Variants in WDR70 observed in about 807,000 individuals in gnomAD.
WDR70 encodes WD repeat-containing protein 70.
WDR70 carries 53 observed loss-of-function variants against 88.6 expected under a neutral mutation model. That is an observed-to-expected ratio of 0.60 (90% confidence interval 0.48 to 0.75). The LOEUF is 0.75. WDR70 is among the 30% of genes least tolerant of loss of function. The pLI, the probability that WDR70 is intolerant of heterozygous loss-of-function variation, is 0.00. For synonymous variants in WDR70, 280 were observed against 270.0 expected (o/e 1.04, Z -0.36); for missense variants, 610 against 823.2 (o/e 0.74, Z 3.17).
chr5:37,462,305 A>T (rs7726448), intron 7 of WDR70, among the ~76,000 whole-genome samples: 2,042 of 151,994 alleles, frequency 0.013, 46 homozygotes, highest in African/African-American at 0.047. Context: ...TTAATTAATT[A>T]ATTAATTAAT....
intron 10 of WDR70, among the ~76,000 whole-genome samples, chr5:37,647,403 T>G (rs911514327): frequency 6.6e-6 from 1 of 152,226 alleles, no homozygotes; most frequent in Admixed American, 6.5e-5. Flanking sequence ...AGGCAATGTT[T>G]TCCTGGGTGG....
chr5:37,399,492 T>G (rs928990312), intron 5 of WDR70, among the ~76,000 whole-genome samples: 4 of 152,180 alleles, frequency 2.6e-5, no homozygotes, highest in African/African-American at 9.7e-5. Flanking sequence ...ACTTCTAAAT[T>G]TTTTTCTCTA....
intron 10 of WDR70, among the ~76,000 whole-genome samples, chr5:37,682,175 G>C (rs1317665978): frequency 1.3e-5 from 2 of 152,124 alleles, no homozygotes; most frequent in Non-Finnish European, 2.9e-5. Context: ...ATGTGTCCAG[G>C]AATTTATCCA....
chr5:37,500,397 A>G (rs1259666807), intron 8 of WDR70, among the ~76,000 whole-genome samples: 1 of 152,248 alleles, frequency 6.6e-6, no homozygotes, highest in Non-Finnish European at 1.5e-5. Context: ...TGCAATAAAC[A>G]TAAGTGTGCA....
chr5:37,467,698 G>C (rs1334370363), intron 7 of WDR70, among the ~76,000 whole-genome samples: 2 of 151,576 alleles, frequency 1.3e-5, no homozygotes, highest in Non-Finnish European at 3.0e-5. Flanking sequence ...ACTGCGCCCG[G>C]CTAATTTTTT....
At chr5:37,614,975 T>G (rs1191052315) in intron 10 of WDR70, among the ~76,000 whole-genome samples, 2 of 151,932 alleles carry the variant, frequency 1.3e-5, no homozygotes, top group East Asian at 3.9e-4. Context: ...TAGAGACTAG[T>G]ACAACCAAGA....
At chr5:37,556,724 G>A (rs1178535933) in intron 9 of WDR70, among the ~76,000 whole-genome samples, 2 of 152,214 alleles carry the variant, frequency 1.3e-5, no homozygotes, top group Non-Finnish European at 2.9e-5. Flanking sequence ...ATAGGGAAGG[G>A]TGGGCTGGTC....
intron 17 of WDR70, among the ~76,000 whole-genome samples, chr5:37,748,447 T>A (rs988528955): frequency 6.6e-6 from 1 of 152,180 alleles, no homozygotes; most frequent in African/African-American, 2.4e-5. Context: ...CCTTATACCT[T>A]ATACAAGAAT....
chr5:37,457,046 G>A (rs1738860226), intron 7 of WDR70, among the ~76,000 whole-genome samples: 1 of 152,134 alleles, frequency 6.6e-6, no homozygotes, highest in Non-Finnish European at 1.5e-5. Flanking sequence ...ATGTGAGAAG[G>A]CTAAGGTGGG....
chr5:37,605,037 A>C (rs1317651387), intron 9 of WDR70, 27 bp from the exon 10 acceptor site: 1 of 1,536,650 alleles, frequency 6.5e-7, no homozygotes, highest in Admixed American at 2.1e-5. Flanking sequence ...TTTTTAAATA[A>C]ATGAAAAATC....
chr5:37,516,831 C>T (rs557032644), intron 9 of WDR70, among the ~76,000 whole-genome samples: 8 of 151,214 alleles, frequency 5.3e-5, no homozygotes, highest in African/African-American at 9.7e-5. Flanking sequence ...AAGTGATTCT[C>T]CTGCCTCAGC....
chr5:37,496,581 C>G (rs1740222083), intron 8 of WDR70, among the ~76,000 whole-genome samples: 1 of 152,216 alleles, frequency 6.6e-6, no homozygotes, highest in Non-Finnish European at 1.5e-5. Flanking sequence ...CTAATGTCTT[C>G]TGCAATAGGG....
intron 10 of WDR70, among the ~76,000 whole-genome samples, chr5:37,616,582 A>G (rs1255217169): frequency 6.6e-6 from 1 of 152,172 alleles, no homozygotes; most frequent in African/African-American, 2.4e-5. Flanking sequence ...CATCCGTTGA[A>G]GAAGGCCCAA....
chr5:37,688,340 TG>T (rs1746674655), intron 10 of WDR70, among the ~76,000 whole-genome samples: 1 of 152,222 alleles, frequency 6.6e-6, no homozygotes, highest in African/African-American at 2.4e-5. Context: ...TCCTGGTTCC[TG>T]GCCCAGTGCC....
intron 10 of WDR70, among the ~76,000 whole-genome samples, chr5:37,650,666 G>A (rs1272972870): frequency 6.6e-6 from 1 of 152,160 alleles, no homozygotes; most frequent in Non-Finnish European, 1.5e-5. Flanking sequence ...GCAAGGTATG[G>A]AATAGAATGA....
At chr5:37,612,244 C>T (rs9292662) in intron 10 of WDR70, among the ~76,000 whole-genome samples, 87,349 of 151,854 alleles carry the variant, frequency 0.58, 25,268 homozygotes, top group African/African-American at 0.61. Flanking sequence ...AAATTCAAAG[C>T]TTTGTCTCTT....
intron 9 of WDR70, among the ~76,000 whole-genome samples, chr5:37,530,323 A>T (rs954652861): frequency 6.6e-6 from 1 of 152,038 alleles, no homozygotes; most frequent in Non-Finnish European, 1.5e-5. Flanking sequence ...TGCTTCATAG[A>T]GTGATTTAGG....
chr5:37,448,592 A>T (rs1738571312), intron 7 of WDR70, among the ~76,000 whole-genome samples: 1 of 152,240 alleles, frequency 6.6e-6, no homozygotes, highest in African/African-American at 2.4e-5. Context: ...TTAAATTTAT[A>T]GATAAGCTAC....
chr5:37,581,496 A>C (rs542331395), intron 9 of WDR70, among the ~76,000 whole-genome samples: 4 of 152,196 alleles, frequency 2.6e-5, no homozygotes, highest in South Asian at 2.1e-4. Context: ...TCATTTTTCT[A>C]TACTGTTACT....
Sources: gnomAD v4.1 joint callset for allele counts (sites outside exome capture counted in the v4.1 genomes callset) on GRCh38, gnomAD v4.1.1 for gene constraint, MANE v1.5 for transcripts, NCBI Gene and HGNC (gene_info 2026-07-23, HGNC 2026-07-21) for gene names.